EYS: variants seen among roughly 807,000 people sequenced by gnomAD.
The protein encoded by EYS is EGF-like photoreceptor maintenance factor.
EYS carries 250 observed loss-of-function variants against 282.1 expected under a neutral mutation model. The ratio of observed to expected loss-of-function variants is 0.89; its 90% CI spans 0.80 to 0.98. EYS has a LOEUF of 0.98. Ranked by LOEUF, EYS falls within the 50% of genes least tolerant of loss-of-function variation. EYS has a pLI of 0.00. For synonymous variants in EYS, 1,355 were observed against 1,282.9 expected, an observed-to-expected ratio of 1.06 and a Z score of -1.20; for missense variants, 4,016 against 3,709.0, an observed-to-expected ratio of 1.08 and a Z score of -2.15.
intron 13 of EYS, among the ~76,000 whole-genome samples, chr6:65,036,306 C>T (rs192251158): frequency 6.6e-6 from 1 of 151,896 alleles, no homozygotes; most frequent in Admixed American, 6.6e-5. Context: ...GACCCCTTAC[C>T]TTTCACCATA....
chr6:64,923,089 G>C (rs1184322414), intron 15 of EYS, among the ~76,000 whole-genome samples: 1 of 151,864 alleles, frequency 6.6e-6, no homozygotes, highest in Non-Finnish European at 1.5e-5. Flanking sequence ...TTGCTTCTGG[G>C]TATGTTTAGT....
intron 1 of EYS, 30 bp downstream of exon 1, chr6:65,707,105 A>G (rs921546669): frequency 1.3e-5 from 2 of 152,164 alleles, no homozygotes; most frequent in Non-Finnish European, 2.9e-5. Flanking sequence ...ATAGAAAAAT[A>G]ATTTCTAGGT....
intron 26 of EYS, among the ~76,000 whole-genome samples, chr6:64,481,527 CACAT>C (rs1168664091): frequency 3.7e-5 from 5 of 134,186 alleles, no homozygotes; most frequent in South Asian, 2.4e-4. Context: ...CTCACACACA[CACAT>C]ACACATATAT....
chr6:64,393,918 A>G (rs1208477557), intron 28 of EYS, among the ~76,000 whole-genome samples: 4 of 151,964 alleles, frequency 2.6e-5, no homozygotes, highest in Non-Finnish European at 5.9e-5. Context: ...TAAGCTGATA[A>G]GCAACTTCAG....
intron 8 of EYS, among the ~76,000 whole-genome samples, chr6:65,372,391 A>C (rs533781711): frequency 6.6e-6 from 1 of 152,240 alleles, no homozygotes; most frequent in South Asian, 2.1e-4. Context: ...AAATTACTGA[A>C]ACTCTAAGGA....
At chr6:64,988,774 T>C (rs940234331) in intron 14 of EYS, among the ~76,000 whole-genome samples, 1 of 151,694 alleles carries the variant, frequency 6.6e-6, no homozygotes, top group Non-Finnish European at 1.5e-5. Context: ...TATTTTGTAC[T>C]TTCTTCAAAG....
chr6:64,447,629 C>T (rs1775157947), intron 26 of EYS, among the ~76,000 whole-genome samples: 1 of 151,740 alleles, frequency 6.6e-6, no homozygotes, highest in South Asian at 2.1e-4. Flanking sequence ...TCATAAAATG[C>T]CAAAAAAAGT....
chr6:64,789,265 G>A (rs1032358710), intron 22 of EYS, among the ~76,000 whole-genome samples: 10 of 152,060 alleles, frequency 6.6e-5, no homozygotes, highest in Admixed American at 2.0e-4. Context: ...AAACTGCTTC[G>A]TAATGCACAC....
At chr6:65,549,714 T>C (rs1768529250) in intron 2 of EYS, among the ~76,000 whole-genome samples, 1 of 152,222 alleles carries the variant, frequency 6.6e-6, no homozygotes. Flanking sequence ...ACATATGATA[T>C]ACTGGGGGCT....
rs1471964234 is a variant in EYS at position 63,765,862 on chromosome 6, G to T, written c.7899-3229C>A. Among the ~76,000 whole-genome samples the T allele has an allele frequency of 2.0e-5, 3 of 151,832 alleles. No individual in the cohort carries two copies. In the East Asian group the frequency reaches 5.8e-4, roughly 29 times the overall value. On this transcript the variant is annotated intron_variant, in intron 40 of 42. Transcript: ENST00000503581. Reference sequence around the variant, plus strand: ...CTATCTCCATGAGTTCAACTGTTTTGATTTTTAGAACCCACAAATAAGTGA... The same window carrying T: ...CTATCTCCATGAGTTCAACTGTTTTTATTTTTAGAACCCACAAATAAGTGA...
At chr6:63,814,379 T>C (rs1354885779) in intron 36 of EYS, among the ~76,000 whole-genome samples, 1 of 152,218 alleles carries the variant, frequency 6.6e-6, no homozygotes, top group East Asian at 1.9e-4. Context: ...TCTATTCAAA[T>C]GGATATATAA....
intron 12 of EYS, among the ~76,000 whole-genome samples, chr6:65,250,819 C>CA (rs35312986): frequency 0.038 from 5,471 of 145,538 alleles, 126 homozygotes; most frequent in Non-Finnish European, 0.056. Flanking sequence ...CAGTAACATC[C>CA]AAAAAAAAAA....
intron 12 of EYS, among the ~76,000 whole-genome samples, chr6:65,196,563 C>T (rs1765771547): frequency 6.6e-6 from 1 of 151,988 alleles, no homozygotes; most frequent in Non-Finnish European, 1.5e-5. Flanking sequence ...TTATTAAGCC[C>T]TTGGGACTAC....
At chr6:64,252,615 CCTCTTGAGGAGT>C (rs1352615189) in intron 30 of EYS, among the ~76,000 whole-genome samples, 1 of 152,158 alleles carries the variant, frequency 6.6e-6, no homozygotes, top group African/African-American at 2.4e-5. Flanking sequence ...GCTGGTTCTG[CCTCTTGAGGAGT>C]CTCATGTCTA....
intron 13 of EYS, among the ~76,000 whole-genome samples, chr6:65,035,339 G>A (rs1772734260): frequency 6.6e-6 from 1 of 152,032 alleles, no homozygotes; most frequent in Admixed American, 6.6e-5. Flanking sequence ...AGCACCGGAA[G>A]TCCTAGTCAG....
At chr6:64,927,068 A>G (rs1383395816) in intron 15 of EYS, among the ~76,000 whole-genome samples, 1 of 152,220 alleles carries the variant, frequency 6.6e-6, no homozygotes, top group Non-Finnish European at 1.5e-5. Context: ...GCTTTGCAAT[A>G]GGTATAGAAA....
intron 6 of EYS, among the ~76,000 whole-genome samples, chr6:65,403,386 C>G (rs1422322959): frequency 2.0e-5 from 3 of 151,890 alleles, no homozygotes; most frequent in Non-Finnish European, 4.4e-5. Flanking sequence ...TTTTTCCTCT[C>G]TTTTTTCTTT....
chr6:65,013,566 G>A (rs544579680), intron 13 of EYS, among the ~76,000 whole-genome samples: 24 of 152,206 alleles, frequency 1.6e-4, no homozygotes, highest in South Asian at 1.2e-3. Flanking sequence ...CATACCCCAT[G>A]TAATTCCCTC....
chr6:64,784,522 T>G (rs1195663098), intron 22 of EYS, among the ~76,000 whole-genome samples: 1 of 152,200 alleles, frequency 6.6e-6, no homozygotes, highest in Non-Finnish European at 1.5e-5. Context: ...AGGGCAGGAT[T>G]TTTTGACTGC....
Sources: allele counts gnomAD v4.1 joint callset (sites outside exome capture counted in the v4.1 genomes callset), GRCh38; gene constraint gnomAD v4.1.1; transcripts MANE v1.5; gene names NCBI Gene and HGNC (gene_info 2026-07-23, HGNC 2026-07-21).